PTPN13: variants seen among roughly 807,000 people sequenced by gnomAD.
The protein encoded by PTPN13 is tyrosine-protein phosphatase non-receptor type 13.
PTPN13 carries 191 observed loss-of-function variants against 284.0 expected under a neutral mutation model. That is an observed-to-expected ratio of 0.67 (90% CI 0.60 to 0.76). PTPN13 has a LOEUF of 0.76. Among genes scored for constraint, PTPN13 ranks in the 30% least tolerant of loss-of-function variants. The probability of loss-of-function intolerance (pLI) is 0.00; values close to 1 mark genes in which losing one functional copy is unlikely to be tolerated. For synonymous variants in PTPN13, 986 were observed against 1,022.3 expected, an observed-to-expected ratio of 0.96 and a Z score of 0.68; for missense variants, 2,797 against 2,939.9, an observed-to-expected ratio of 0.95 and a Z score of 1.12.
chr4:86,772,768 G>A lies in PTPN13; in HGVS notation c.5169-10G>A. The A allele has an allele frequency of 3.8e-6, 6 of 1,584,230 alleles. No individual in the cohort carries two copies. In the South Asian group the frequency reaches 4.7e-5, roughly 12 times the overall value. ...TATTTAAAAATAGTCTTACTTCTTT[G>A]TCTCTGTAGTAATCCTTCCCCTCTA... On this transcript the variant is annotated splice_polypyrimidine_tract_variant and intron_variant, in intron 31 of 47. Coordinates refer to ENST00000411767, the MANE Select transcript of PTPN13 (RefSeq NM_080683.3).
chr4:86,778,165 A>G (rs1740865993), intron 35 of PTPN13, among the ~76,000 whole-genome samples: 1 of 152,154 alleles, frequency 6.6e-6, no homozygotes, highest in African/African-American at 2.4e-5. Context: ...TAATGGAGTG[A>G]TGTATACTTG....
chr4:86,661,164 G>A (rs1565260494), intron 2 of PTPN13: 1 of 441,966 alleles, frequency 2.3e-6, no homozygotes, highest in Non-Finnish European at 4.5e-6. Context: ...TGTTTACCAA[G>A]GGTAATCACT....
intron 3 of PTPN13, 97 bp downstream of exon 3, chr4:86,672,640 T>C (rs759209287): frequency 2.2e-4 from 222 of 992,320 alleles, no homozygotes; most frequent in Non-Finnish European, 2.7e-4. Flanking sequence ...GAAAAATCTA[T>C]TGAGTTTTAA....
chr4:86,711,836 G>A (rs893425068), intron 7 of PTPN13, among the ~76,000 whole-genome samples: 3 of 152,164 alleles, frequency 2.0e-5, no homozygotes, highest in African/African-American at 2.4e-5. Flanking sequence ...TACCATTACA[G>A]TTATAACATT....
intron 1 of PTPN13, among the ~76,000 whole-genome samples, chr4:86,600,062 A>G (rs550832829): frequency 2.3e-4 from 35 of 152,266 alleles, no homozygotes; most frequent in African/African-American, 7.5e-4. Context: ...AAATGATGTG[A>G]TTGAGCTTTC....
Position 86,732,700 on chromosome 4 carries a change from T to C in PTPN13, c.1792T>C (p.Phe598Leu). ...CDTKTICKDV[F>L]DMVVAHIGLV... is the part of the protein sequence containing the mutation. ...TACCAAAACTATATGTAAAGATGTGTTTGATATGGTTGTGGCACATATTGG... is the reference window on the plus strand; with the variant it reads ...TACCAAAACTATATGTAAAGATGTGCTTGATATGGTTGTGGCACATATTGG... Residue 598 changes from phenylalanine (F) to leucine (L), a missense_variant, in exon 12 of 48, where the codon TTT becomes CTT. By Grantham distance (22) the Phe-to-Leu change is conservative. Coordinates refer to ENST00000411767, the MANE Select transcript of PTPN13 (RefSeq NM_080683.3). 2 of 1,613,600 alleles carry C rather than the reference T, an allele frequency of 1.2e-6. No individual in the cohort carries two copies. Among genetic ancestry groups the C allele is most frequent in the African/African-American group, 1.3e-5 (1 of 75,020 alleles).
At chr4:86,595,913 G>C (rs1425088996) in intron 1 of PTPN13, 1 of 308,494 alleles carries the variant, frequency 3.2e-6, no homozygotes, top group Non-Finnish European at 4.7e-6. Flanking sequence ...CTTCATGACT[G>C]TGTTGGCAGG....
intron 40 of PTPN13, among the ~76,000 whole-genome samples, chr4:86,787,751 C>T (rs546723730): frequency 7.8e-4 from 119 of 152,174 alleles, no homozygotes; most frequent in African/African-American, 2.7e-3. Context: ...TCACATGGTT[C>T]TGAATTTGGT....
intron 7 of PTPN13, among the ~76,000 whole-genome samples, chr4:86,706,504 G>A (rs1420134619): frequency 6.6e-6 from 1 of 152,102 alleles, no homozygotes; most frequent in Non-Finnish European, 1.5e-5. Flanking sequence ...CAGGGGTTAA[G>A]GTGGAACTCC....
Position 86,750,488 on chromosome 4 carries a change from G to C in PTPN13, c.2669G>C (p.Ser890Thr). ...AQDIERASFR[S>T]LNLQAESVRG... Reference sequence around the variant, plus strand: ...CTTGTAGAGAGAGCTTCGTTTAGGAGCCTGAATCTCCAAGCAGAGTCTGTT... The same window carrying C: ...CTTGTAGAGAGAGCTTCGTTTAGGACCCTGAATCTCCAAGCAGAGTCTGTT... Residue 890 changes from serine to threonine, a missense_variant, in exon 18 of 48, where the codon AGC becomes ACC. Physicochemically the swap from Ser to Thr is moderately conservative, Grantham distance 58. Coordinates refer to ENST00000411767, the MANE Select transcript of PTPN13 (RefSeq NM_080683.3). 6.2e-7 allele frequency: 1 copy of C among 1,613,144 alleles called. No individual in the cohort carries two copies. The highest frequency in any genetic ancestry group is 8.5e-7 in the Non-Finnish European group (1 of 1,179,502).
chr4:86,638,089 G>A (rs1226767203), intron 2 of PTPN13, among the ~76,000 whole-genome samples: 1 of 152,148 alleles, frequency 6.6e-6, no homozygotes, highest in Non-Finnish European at 1.5e-5. Flanking sequence ...TTGCTTCAAA[G>A]AGAATAAAAT....
chr4:86,655,022 T>C (rs1190241537), intron 2 of PTPN13, among the ~76,000 whole-genome samples: 6 of 152,224 alleles, frequency 3.9e-5, no homozygotes, highest in Non-Finnish European at 8.8e-5. Context: ...TTTTGATCTT[T>C]GTTGGTTTAA....
Position 86,785,915 on chromosome 4 carries a change from T to G in PTPN13, c.6324T>G (p.Pro2108=). The G allele has an allele frequency of 6.4e-7, 1 of 1,554,754 alleles. No individual in the cohort carries two copies. The highest frequency in any genetic ancestry group is 8.7e-7 in the Non-Finnish European group (1 of 1,146,926). ...AAGATACAGACTGCGATGGTTCACC[T>G]TTACCTGAGTATTTTACTGAGGTAA... ...RTEDTDCDGS[P]LPEYFTEATK... The change falls in exon 40 of 48, where the codon CCT becomes CCG. Residue 2108 remains proline (P), a synonymous_variant. Coordinates refer to ENST00000411767, the MANE Select transcript of PTPN13 (RefSeq NM_080683.3).
intron 2 of PTPN13, among the ~76,000 whole-genome samples, chr4:86,644,012 G>T (rs905889811): frequency 6.6e-6 from 1 of 151,898 alleles, no homozygotes; most frequent in Non-Finnish European, 1.5e-5. Context: ...GGAAAATGAT[G>T]AACAAAGTTG....
intron 35 of PTPN13, among the ~76,000 whole-genome samples, chr4:86,779,404 A>G (rs1470285178): frequency 6.6e-6 from 1 of 151,032 alleles, no homozygotes; most frequent in South Asian, 2.1e-4. Flanking sequence ...GTGACAGAGC[A>G]AGACTCCGTC....
chr4:86,671,173 A>G (rs1727681174), intron 2 of PTPN13, among the ~76,000 whole-genome samples: 1 of 152,208 alleles, frequency 6.6e-6, no homozygotes, highest in Non-Finnish European at 1.5e-5. Context: ...CTTTTTAATC[A>G]TAAGTCATAT....
intron 10 of PTPN13, among the ~76,000 whole-genome samples, chr4:86,730,547 G>A (rs888333343): frequency 1.3e-5 from 2 of 149,802 alleles, no homozygotes; most frequent in East Asian, 1.9e-4. Flanking sequence ...CTGCAGCCTC[G>A]GAAGTTGATC....
intron 3 of PTPN13, among the ~76,000 whole-genome samples, chr4:86,673,097 C>T (rs1727888556): frequency 6.6e-6 from 1 of 152,300 alleles, no homozygotes; most frequent in East Asian, 1.9e-4. Context: ...TGACAGGAGG[C>T]AGAGCTCAGG....
Position 86,774,360 on chromosome 4 carries a change from T to C in PTPN13, c.5350-13T>C. 6.3e-7 allele frequency: 1 copy of C among 1,596,346 alleles called. No homozygotes were observed. The highest frequency in any genetic ancestry group is 8.5e-7 in the Non-Finnish European group (1 of 1,170,664). ...ATAGACAACCTAAAAGTATTACTGC[T>C]TTTTTCCCTTAGGAAGTAGAACTCC... is the stretch of plus-strand genomic sequence containing the variant. On this transcript the variant is annotated splice_polypyrimidine_tract_variant and intron_variant, in intron 32 of 47. Coordinates refer to ENST00000411767, the MANE Select transcript of PTPN13 (RefSeq NM_080683.3).
Sources: gnomAD v4.1 joint callset for allele counts (sites outside exome capture counted in the v4.1 genomes callset) on GRCh38, gnomAD v4.1.1 for gene constraint, MANE v1.5 for transcripts, NCBI Gene and HGNC (gene_info 2026-07-23, HGNC 2026-07-21) for gene names.